Variants in ZC3H7B observed in about 807,000 individuals in gnomAD.
ZC3H7B encodes the protein zinc finger CCCH domain-containing protein 7B.
Under a neutral mutation model 116.0 loss-of-function variants are expected in ZC3H7B, and 35 were observed. The ratio of observed to expected loss-of-function variants is 0.30; its 90% CI spans 0.23 to 0.40. The LOEUF (loss-of-function observed/expected upper bound fraction) is 0.40, where lower values mean the gene tolerates loss of function less well. Ranked by LOEUF, ZC3H7B falls within the 10% of genes least tolerant of loss-of-function variation. The pLI, the probability that ZC3H7B is intolerant of heterozygous loss-of-function variation, is 1.00. For synonymous variants in ZC3H7B, 502 were observed against 545.6 expected, an observed-to-expected ratio of 0.92 and a Z score of 1.11; for missense variants, 1,011 against 1,321.5, an observed-to-expected ratio of 0.77 and a Z score of 3.64.
intron 13 of ZC3H7B, among the ~76,000 whole-genome samples, chr22:41,345,300 T>C (rs951014906): frequency 6.6e-6 from 1 of 152,134 alleles, no homozygotes; most frequent in East Asian, 1.9e-4. Context: ...AAATCCCTTA[T>C]ATTTGCCAGT....
At chr22:41,337,223 G>A (rs1006956952) in intron 7 of ZC3H7B, among the ~76,000 whole-genome samples, 1 of 152,058 alleles carries the variant, frequency 6.6e-6, no homozygotes, top group Admixed American at 6.6e-5. Flanking sequence ...AGCTACTCGG[G>A]AGGCTGAGGC....
rs879349990 is a variant in ZC3H7B, at chr22:41,346,167, C to T, written c.1624C>T (p.Leu542Phe). The T allele has an allele frequency of 3.1e-6, 5 of 1,612,312 alleles. No homozygotes were observed. The highest frequency in any genetic ancestry group is 4.2e-6 in the Non-Finnish European group (5 of 1,179,956). ...VKRGSLTIAKLLKEHQGIFTF... is the reference protein window; with the variant it reads ...VKRGSLTIAKFLKEHQGIFTF... ...GCGCGGCAGCCTCACCATCGCCAAGCTCCTGAAGGAGCACCAGGGCATCTT... is the reference window on the plus strand; with the variant it reads ...GCGCGGCAGCCTCACCATCGCCAAGTTCCTGAAGGAGCACCAGGGCATCTT... Residue 542 changes from leucine (L) to phenylalanine (F), a missense_variant, in exon 14 of 23, where the codon CTC (leucine) becomes TTC (phenylalanine). Physicochemically the swap from Leu to Phe is conservative, Grantham distance 22. This residue lies in a region of ZC3H7B where 179 missense variants were observed against 178.5 expected (regional missense o/e 1.00). Coordinates refer to ENST00000352645, the MANE Select transcript of ZC3H7B (RefSeq NM_017590.6). This position sits in a 1 kb window ranked among gnomAD's most constrained non-coding sequence, Gnocchi z 5.3.
At position 41,358,168 on chromosome 22, in the gene ZC3H7B, G is replaced by A. The variant is rs1167967613; in HGVS notation, c.*739G>A. On this transcript the variant is annotated 3_prime_UTR_variant, in exon 23 of 23. Transcript: ENST00000352645. Reference sequence around the variant, plus strand: ...AACTGAGGCCTAGAAGGGAGGAGTGGTCCACCCACGGTCCCAGCACAAGGC... The same window carrying A: ...AACTGAGGCCTAGAAGGGAGGAGTGATCCACCCACGGTCCCAGCACAAGGC... 1 of 152,378 alleles carries A rather than the reference G, an allele frequency of 6.6e-6. No individual in the cohort carries two copies. The allele number at this position is 152,378 out of a possible 1,614,324, so 9.4% of individuals were successfully genotyped here.
intron 6 of ZC3H7B, among the ~76,000 whole-genome samples, chr22:41,330,903 C>G (rs188403431): frequency 6.8e-6 from 1 of 146,744 alleles, no homozygotes; most frequent in East Asian, 2.1e-4. Context: ...CTCTGTCACC[C>G]AGGCTGTAGT....
In ZC3H7B at chr22:41,328,148, T is replaced by G. The variant is rs1231453097; in HGVS notation, c.444+784T>G. Reference sequence around the variant, plus strand: ...TGTCTATTAAAAAAAAAAAAAGCCTTTCTTTATGACCATGGTCCCCTGACC... The same window carrying G: ...TGTCTATTAAAAAAAAAAAAAGCCTGTCTTTATGACCATGGTCCCCTGACC... On this transcript the variant is annotated intron_variant, in intron 5 of 22. Coordinates refer to ENST00000352645, the MANE Select transcript of ZC3H7B (RefSeq NM_017590.6). Among the ~76,000 whole-genome samples the G allele has an allele frequency of 2.0e-5, 3 of 152,046 alleles. No homozygotes were observed. In the East Asian group the frequency reaches 5.8e-4, roughly 29 times the overall value.
intron 1 of ZC3H7B, 109 bp downstream of exon 1, chr22:41,301,881 G>A (rs2050583637): frequency 6.6e-6 from 1 of 151,970 alleles, no homozygotes; most frequent in East Asian, 2.0e-4. Flanking sequence ...CAGGGCTGGG[G>A]AAGAGGCGAA....
Position 41,346,079 on chromosome 22 carries a change from G to T in ZC3H7B, c.1536G>T (p.Trp512Cys), listed in dbSNP as rs1377471052. The T allele has an allele frequency of 6.2e-7, 1 of 1,613,894 alleles. No homozygotes were observed. Among genetic ancestry groups the T allele is most frequent in the Non-Finnish European group, 8.5e-7 (1 of 1,180,036 alleles). The change falls in exon 14 of 23, where the codon TGG becomes TGT. Residue 512 changes from tryptophan to cysteine, a missense_variant. Transcript: ENST00000352645. This position sits in a 1 kb window ranked among gnomAD's most constrained non-coding sequence, Gnocchi z 5.3. The part of the protein sequence containing the change: ...FAYHQEEIDV[W>C]TEERKGTLNR... ...ACCATCAGGAGGAGATCGACGTGTG[G>T]ACCGAGGAGCGGAAGGGCACCCTCA... is the stretch of plus-strand genomic sequence containing the variant.
In ZC3H7B at chr22:41,345,076, A is replaced by G. The variant is rs567500482; in HGVS notation, c.1460-927A>G. 7.2e-5 allele frequency among the ~76,000 whole-genome samples: 11 copies of G among 152,116 alleles called. No individual in the cohort carries two copies. The East Asian group carries it at 2.1e-3, about 30-fold the overall frequency. On this transcript the variant is annotated intron_variant, in intron 13 of 22. Coordinates refer to ENST00000352645, the MANE Select transcript of ZC3H7B (RefSeq NM_017590.6). ...GCAATTCTCCTGCCTCAGCCTCCCA[A>G]AGTCCTAGGATTACAGGCATGAGCC... is the stretch of plus-strand genomic sequence containing the variant.
intron 17 of ZC3H7B, among the ~76,000 whole-genome samples, chr22:41,354,286 A>G (rs371031996): frequency 1.0e-3 from 155 of 152,348 alleles, no homozygotes; most frequent in African/African-American, 3.6e-3. Flanking sequence ...GTCAGTAGCC[A>G]CATGGGTCCA....
At chr22:41,339,737 G>T (rs2036494427) in intron 9 of ZC3H7B, 79 bp from the exon 10 acceptor site, 2 of 1,401,276 alleles carry the variant, frequency 1.4e-6, no homozygotes, top group African/African-American at 1.4e-5. Flanking sequence ...AGGTCTCCTT[G>T]CTTCCCCAAG....
At position 41,346,842 on chromosome 22, in the gene ZC3H7B, C is replaced by T. The variant is rs1031974267; in HGVS notation, c.1665+634C>T. ...GCTGGGCTTGGTGGCATGCGCCTCC[C>T]GTCCCAGTTACTCAGGAGGCTAAGG... On this transcript the variant is annotated intron_variant, in intron 14 of 22. Transcript: ENST00000352645. The surrounding 1 kb of genome is among the most constrained non-coding windows in gnomAD (Gnocchi z 5.3). 4.6e-5 allele frequency among the ~76,000 whole-genome samples: 7 copies of T among 151,788 alleles called. No homozygotes were observed. The highest frequency in any genetic ancestry group is 7.3e-5 in the African/African-American group (3 of 41,288).
At chr22:41,355,681 G>A in intron 18 of ZC3H7B, 76 bp from the exon 19 acceptor site, 1 of 1,611,438 alleles carries the variant, frequency 6.2e-7, no homozygotes, top group Non-Finnish European at 8.5e-7. Context: ...ACTGAGAGAG[G>A]CCAGGGCTCT....
At chr22:41,309,762 T>TA (rs1167349176) in intron 1 of ZC3H7B, among the ~76,000 whole-genome samples, 1 of 152,150 alleles carries the variant, frequency 6.6e-6, no homozygotes, top group Non-Finnish European at 1.5e-5. Flanking sequence ...GAAAGGACTT[T>TA]ATTAACTGTG....
intron 7 of ZC3H7B, 23 bp downstream of exon 7, chr22:41,332,250 C>A: frequency 6.2e-7 from 1 of 1,613,832 alleles, no homozygotes; most frequent in Non-Finnish European, 8.5e-7. Context: ...CTGAACCAAC[C>A]TGTCTCAGTT....
At chr22:41,329,546 A>G (rs962910299) in intron 5 of ZC3H7B, among the ~76,000 whole-genome samples, 10 of 152,090 alleles carry the variant, frequency 6.6e-5, no homozygotes, top group African/African-American at 2.4e-4. Context: ...GGCATGAGCC[A>G]CTGTGCCCAG....
intron 1 of ZC3H7B, among the ~76,000 whole-genome samples, chr22:41,309,999 A>G (rs1849255201): frequency 6.6e-6 from 1 of 151,850 alleles, no homozygotes. Flanking sequence ...AGTTCAGGAG[A>G]TCGAGACCAT....
chr22:41,318,032 A>G (rs1236019834), intron 1 of ZC3H7B, among the ~76,000 whole-genome samples: 1 of 151,604 alleles, frequency 6.6e-6, no homozygotes, highest in Admixed American at 6.5e-5. Context: ...TTTAGTGACA[A>G]CACATTTTTT....
At chr22:41,328,662 G>T (rs184790771) in intron 5 of ZC3H7B, among the ~76,000 whole-genome samples, 1 of 152,120 alleles carries the variant, frequency 6.6e-6, no homozygotes, top group Non-Finnish European at 1.5e-5. Context: ...TGCTTGGCAC[G>T]TAGTGTATGT....
chr22:41,335,667 TC>T (rs2036435957), intron 7 of ZC3H7B: 1 of 152,502 alleles, frequency 6.6e-6, no homozygotes, highest in East Asian at 1.9e-4. Context: ...GGGCAGACAC[TC>T]CGGAGACTGA....
Sources: allele counts gnomAD v4.1 joint callset (sites outside exome capture counted in the v4.1 genomes callset), GRCh38; gene constraint gnomAD v4.1.1; regional missense constraint gnomAD v4.1.1; non-coding constraint Gnocchi (gnomAD v3.1); transcripts MANE v1.5; gene names NCBI Gene and HGNC (gene_info 2026-07-23, HGNC 2026-07-21).